Variants in B3GALT1 observed in about 807,000 individuals in gnomAD.
The protein encoded by B3GALT1 is UDP-Gal:betaGlcNAc beta 1,3-galactosyltransferase, polypeptide 1.
A neutral mutation model predicts 23.2 loss-of-function variants in B3GALT1; 10 were observed. The observed-to-expected ratio is 0.43, with a 90% CI of 0.27 to 0.73. The LOEUF is 0.73. B3GALT1 is among the 30% of genes least tolerant of loss of function. The pLI is 0.21. For missense variants in B3GALT1, 299 were observed against 405.4 expected (o/e 0.74, Z 2.25); for synonymous variants, 156 against 141.5 (o/e 1.10, Z -0.73).
At chr2:167,619,931 T>C (rs1298003390) in intron 2 of B3GALT1, among the ~76,000 whole-genome samples, 3 of 152,130 alleles carry the variant, frequency 2.0e-5, no homozygotes, top group Non-Finnish European at 4.4e-5. Context: ...GTAAGAATGA[T>C]AAACATTAAA....
At chr2:167,600,477 A>T (rs1213870292) in intron 2 of B3GALT1, among the ~76,000 whole-genome samples, 1 of 152,178 alleles carries the variant, frequency 6.6e-6, no homozygotes, top group Non-Finnish European at 1.5e-5. Context: ...TCAAATTTAG[A>T]CAATTATCAT....
intron 2 of B3GALT1, among the ~76,000 whole-genome samples, chr2:167,563,338 C>T (rs1292712077): frequency 4.2e-5 from 6 of 144,036 alleles, no homozygotes; most frequent in South Asian, 4.5e-4. Flanking sequence ...CCGGAAGGGG[C>T]GGCTGGCCGG....
intron 1 of B3GALT1, among the ~76,000 whole-genome samples, chr2:167,448,622 G>A (rs1022376750): frequency 6.6e-6 from 1 of 152,022 alleles, no homozygotes; most frequent in African/African-American, 2.4e-5. Context: ...GTTTAATTAA[G>A]TCCCACCTAT....
At chr2:167,346,294 G>A (rs987527901) in intron 1 of B3GALT1, among the ~76,000 whole-genome samples, 1 of 152,014 alleles carries the variant, frequency 6.6e-6, no homozygotes, top group Non-Finnish European at 1.5e-5. Context: ...CAGAAAACAA[G>A]TACTGGCTCT....
intron 3 of B3GALT1, among the ~76,000 whole-genome samples, chr2:167,779,062 A>G (rs777995332): frequency 1.4e-4 from 21 of 152,228 alleles, no homozygotes; most frequent in Non-Finnish European, 2.1e-4. Context: ...GGCTAGATCT[A>G]TGCAGACGCA....
At chr2:167,306,237 T>G (rs1459958822) in intron 1 of B3GALT1, among the ~76,000 whole-genome samples, 8 of 152,008 alleles carry the variant, frequency 5.3e-5, no homozygotes, top group African/African-American at 1.9e-4. Flanking sequence ...TATGCAACCA[T>G]TAAGAGTAAA....
At chr2:167,721,626 A>G (rs1277476913) in intron 3 of B3GALT1, among the ~76,000 whole-genome samples, 2 of 152,230 alleles carry the variant, frequency 1.3e-5, no homozygotes, top group Non-Finnish European at 1.5e-5. Context: ...AAACTGGGGA[A>G]AGCTGTGCAA....
At position 167,626,375 on chromosome 2, in the gene B3GALT1, T is replaced by G. The variant is rs1685346685; in HGVS notation, c.-409-20534T>G. ...GAAGCTTTGCACTCAACAATATCAA[T>G]GTATTTACTCATTTGCTCCATCTTA... On this transcript the variant is annotated intron_variant, in intron 2 of 4. Coordinates refer to ENST00000392690, the MANE Select transcript of B3GALT1 (RefSeq NM_020981.4). Among the ~76,000 whole-genome samples the G allele has an allele frequency of 2.0e-5, 3 of 151,626 alleles. No homozygotes were observed. The South Asian group carries it at 6.2e-4, about 31-fold the overall frequency.
At chr2:167,310,096 A>G (rs1285711103) in intron 1 of B3GALT1, among the ~76,000 whole-genome samples, 1 of 152,124 alleles carries the variant, frequency 6.6e-6, no homozygotes, top group Admixed American at 6.6e-5. Context: ...TGATTAACTT[A>G]TATTTGTATT....
At chr2:167,641,387 A>T (rs1685650358) in intron 2 of B3GALT1, among the ~76,000 whole-genome samples, 1 of 152,120 alleles carries the variant, frequency 6.6e-6, no homozygotes, top group Admixed American at 6.6e-5. Flanking sequence ...TCCTAAATCC[A>T]GTAGTCAGAC....
At chr2:167,837,702 A>AC (rs1689514715) in intron 4 of B3GALT1, among the ~76,000 whole-genome samples, 1 of 148,932 alleles carries the variant, frequency 6.7e-6, no homozygotes, top group African/African-American at 2.5e-5. Context: ...AGAACTCTCC[A>AC]CCCCAAATCA....
intron 2 of B3GALT1, among the ~76,000 whole-genome samples, chr2:167,563,793 C>G (rs1261204553): frequency 7.8e-6 from 1 of 129,022 alleles, no homozygotes; most frequent in Non-Finnish European, 1.6e-5. Flanking sequence ...ACCCCCCCAC[C>G]TCCCCCCCGG....
rs77859427 is a variant in B3GALT1, at chr2:167,551,810, C to T, written c.-410+61533C>T. ...AGAGTAGGGGTGACTTGGACCAGAC[C>T]GAAGTAGATATGTGAGAAGTGGCAC... On this transcript the variant is annotated intron_variant, in intron 2 of 4. Transcript: ENST00000392690. 4.1e-3 allele frequency among the ~76,000 whole-genome samples: 624 copies of T among 152,066 alleles called. 21 individuals carry two copies. The East Asian group carries it at 0.082, about 20-fold the overall frequency.
At chr2:167,714,697 G>T (rs564080673) in intron 3 of B3GALT1, 2 of 1,613,678 alleles carry the variant, frequency 1.2e-6, no homozygotes, top group African/African-American at 2.7e-5. Context: ...CTTTTTTCTC[G>T]TAGGAAATAA....
chr2:167,596,226 G>C (rs540267058), intron 2 of B3GALT1, among the ~76,000 whole-genome samples: 1 of 152,280 alleles, frequency 6.6e-6, no homozygotes, highest in South Asian at 2.1e-4. Context: ...AGAACGATAG[G>C]TCATTTGCTG....
At chr2:167,717,187 CT>C (rs1208362895) in intron 3 of B3GALT1, among the ~76,000 whole-genome samples, 1 of 65,390 alleles carries the variant, frequency 1.5e-5, no homozygotes, top group Non-Finnish European at 5.6e-5. Flanking sequence ...GATGCCCTAT[CT>C]ATTTTTTCTT....
chr2:167,298,609 A>T (rs887255570), intron 1 of B3GALT1, among the ~76,000 whole-genome samples: 8 of 152,012 alleles, frequency 5.3e-5, no homozygotes, highest in South Asian at 2.1e-4. Context: ...ATATTTATAG[A>T]CTCTATAGAA....
chr2:167,542,832 C>T (rs1169569492), intron 2 of B3GALT1, among the ~76,000 whole-genome samples: 1 of 147,872 alleles, frequency 6.8e-6, no homozygotes, highest in African/African-American at 2.5e-5. Flanking sequence ...AGGGAAAGAA[C>T]TCAGGTAGAT....
intron 1 of B3GALT1, among the ~76,000 whole-genome samples, chr2:167,294,673 G>T (rs1209114461): frequency 6.6e-6 from 1 of 152,204 alleles, no homozygotes; most frequent in Admixed American, 6.5e-5. Context: ...GCGAGGCTCC[G>T]GTACTTGACT....
Sources: allele counts gnomAD v4.1 joint callset (sites outside exome capture counted in the v4.1 genomes callset), GRCh38; gene constraint gnomAD v4.1.1; transcripts MANE v1.5; gene names NCBI Gene and HGNC (gene_info 2026-07-23, HGNC 2026-07-21).